Variants in FAM13A observed in about 807,000 individuals in gnomAD.
The protein encoded by FAM13A is protein FAM13A.
Under a neutral mutation model 129.6 loss-of-function variants are expected in FAM13A, and 76 were observed. The ratio of observed to expected loss-of-function variants is 0.59; its 90% CI spans 0.49 to 0.71. FAM13A has a LOEUF of 0.71. Ranked by LOEUF, FAM13A falls within the 30% of genes least tolerant of loss-of-function variation. The pLI is 0.00. For synonymous variants in FAM13A, 443 were observed against 449.9 expected (o/e 0.98, Z 0.20); for missense variants, 1,108 against 1,249.3 (o/e 0.89, Z 1.70).
At chr4:88,810,548 G>A (rs1485296575) in intron 7 of FAM13A, among the ~76,000 whole-genome samples, 5 of 152,096 alleles carry the variant, frequency 3.3e-5, no homozygotes, top group African/African-American at 1.2e-4. Flanking sequence ...TTTGAAGCTA[G>A]GGAAGAGGCC....
chr4:88,975,089 T>C (rs1215456091), intron 4 of FAM13A, among the ~76,000 whole-genome samples: 2 of 152,114 alleles, frequency 1.3e-5, no homozygotes, highest in Non-Finnish European at 2.9e-5. Context: ...ATAAAACTTG[T>C]AGAAAAATAA....
intron 14 of FAM13A, among the ~76,000 whole-genome samples, chr4:88,754,706 G>T (rs1162097396): frequency 6.6e-6 from 1 of 152,144 alleles, no homozygotes; most frequent in Non-Finnish European, 1.5e-5. Flanking sequence ...AACAATGTTA[G>T]TCCTATGAAA....
intron 11 of FAM13A, among the ~76,000 whole-genome samples, chr4:88,771,297 A>G (rs911395100): frequency 6.6e-6 from 1 of 152,150 alleles, no homozygotes; most frequent in Non-Finnish European, 1.5e-5. Context: ...AATGATTAAG[A>G]TAAAGAAATA....
chr4:88,873,875 A>T (rs1020573024), intron 6 of FAM13A, among the ~76,000 whole-genome samples: 11 of 152,324 alleles, frequency 7.2e-5, no homozygotes, highest in Non-Finnish European at 1.2e-4. Context: ...ATGAACATTG[A>T]TGCAAAAATC....
intron 6 of FAM13A, among the ~76,000 whole-genome samples, chr4:88,853,025 A>G (rs1442351411): frequency 2.0e-5 from 3 of 152,250 alleles, no homozygotes; most frequent in African/African-American, 4.8e-5. Context: ...AGTGAACTCA[A>G]TAAAAGCTAG....
At chr4:88,895,489 A>G (rs1746130309) in intron 6 of FAM13A, among the ~76,000 whole-genome samples, 1 of 150,546 alleles carries the variant, frequency 6.6e-6, no homozygotes, top group East Asian at 1.9e-4. Context: ...GGCAACCTAC[A>G]AAATGGGAGA....
At chr4:88,954,185 G>A (rs1757377515) in intron 4 of FAM13A, among the ~76,000 whole-genome samples, 1 of 152,130 alleles carries the variant, frequency 6.6e-6, no homozygotes, top group African/African-American at 2.4e-5. Flanking sequence ...AATATGAGGT[G>A]CTATATACTC....
At chr4:89,050,667 C>G (rs1771471366) in intron 1 of FAM13A, among the ~76,000 whole-genome samples, 2 of 151,978 alleles carry the variant, frequency 1.3e-5, no homozygotes, top group African/African-American at 4.8e-5. Flanking sequence ...GTGGCTCACA[C>G]CTGTAATCCT....
chr4:88,733,239 G>T (rs757585383), intron 21 of FAM13A, among the ~76,000 whole-genome samples: 107 of 152,278 alleles, frequency 7.0e-4, no homozygotes, highest in Non-Finnish European at 7.3e-4. Context: ...TTTAATAAGG[G>T]TGTTTCTGAA....
chr4:88,850,988 A>T, intron 7 of FAM13A, 32 bp downstream of exon 7: 1 of 1,607,932 alleles, frequency 6.2e-7, no homozygotes, highest in African/African-American at 1.3e-5. Context: ...ATAATGCAAT[A>T]TGGATTGTGT....
intron 5 of FAM13A, among the ~76,000 whole-genome samples, chr4:88,917,086 A>T (rs1037834775): frequency 6.6e-6 from 1 of 152,194 alleles, no homozygotes; most frequent in Non-Finnish European, 1.5e-5. Context: ...TGCCAAATTA[A>T]TTTTTTCTAC....
chr4:88,745,291 A>G (rs1205085843), intron 19 of FAM13A, among the ~76,000 whole-genome samples: 3 of 152,182 alleles, frequency 2.0e-5, no homozygotes, highest in Non-Finnish European at 4.4e-5. Flanking sequence ...TCATAGAGCT[A>G]ATCTCAGTGG....
Position 88,758,124 on chromosome 4 carries a change from ACT to A in FAM13A, c.1726+628_1726+629del, listed in dbSNP as rs575376328. On this transcript the variant is annotated intron_variant, in intron 14 of 23. Transcript: ENST00000264344. ...CCTGAAACACAATTTTGACAAGGCT[ACT>A]CTCTTCTTCCTCGCAAGTACATTTC... Among the ~76,000 whole-genome samples the A allele has an allele frequency of 1.8e-4, 28 of 152,040 alleles. No individual in the cohort carries two copies. In the South Asian group the frequency reaches 5.8e-3, roughly 32 times the overall value.
intron 7 of FAM13A, among the ~76,000 whole-genome samples, chr4:88,844,599 G>A (rs1736349606): frequency 6.6e-6 from 1 of 152,196 alleles, no homozygotes; most frequent in Non-Finnish European, 1.5e-5. Context: ...GATAGTCCTG[G>A]AAAGTGTGGG....
intron 19 of FAM13A, among the ~76,000 whole-genome samples, chr4:88,744,958 T>G (rs1465509704): frequency 6.6e-6 from 1 of 152,130 alleles, no homozygotes; most frequent in East Asian, 1.9e-4. Context: ...CCAAGAATAA[T>G]AGTTCATATT....
intron 9 of FAM13A, among the ~76,000 whole-genome samples, chr4:88,788,327 A>G (rs138611393): frequency 1.2e-4 from 19 of 152,322 alleles, no homozygotes; most frequent in Non-Finnish European, 2.4e-4. Context: ...CCAATTCTAC[A>G]GAGGAAGAGA....
At chr4:88,823,181 C>T (rs1732373886) in intron 7 of FAM13A, 8 of 1,459,208 alleles carry the variant, frequency 5.5e-6, no homozygotes, top group Middle Eastern at 3.8e-4. Context: ...TGCTCTCAGC[C>T]TCCAAACTTC....
chr4:88,888,324 C>G (rs1744777089), intron 6 of FAM13A, among the ~76,000 whole-genome samples: 1 of 152,098 alleles, frequency 6.6e-6, no homozygotes, highest in Admixed American at 6.5e-5. Flanking sequence ...AGGCTTAAAG[C>G]CCAGAAACTG....
chr4:88,971,064 CG>C (rs2148949967), intron 4 of FAM13A, among the ~76,000 whole-genome samples: 1 of 152,122 alleles, frequency 6.6e-6, no homozygotes, highest in East Asian at 1.9e-4. Flanking sequence ...AAAAATTAGC[CG>C]GGCGTGGTGG....
Sources: allele counts gnomAD v4.1 joint callset (sites outside exome capture counted in the v4.1 genomes callset), GRCh38; gene constraint gnomAD v4.1.1; transcripts MANE v1.5; gene names NCBI Gene and HGNC (gene_info 2026-07-23, HGNC 2026-07-21).